Variants in KCNH7 observed in about 807,000 individuals in gnomAD.
The protein encoded by KCNH7 is voltage-gated inwardly rectifying potassium channel KCNH7.
In KCNH7, 49 loss-of-function variants were observed where a neutral mutation model predicts 120.8. The observed-to-expected ratio is 0.41, with a 90% CI of 0.32 to 0.51. KCNH7 has a LOEUF of 0.51. Ranked by LOEUF, KCNH7 falls within the 20% of genes least tolerant of loss-of-function variation. The pLI, the probability that KCNH7 is intolerant of heterozygous loss-of-function variation, is 0.38. For missense variants in KCNH7, 1,097 were observed against 1,446.6 expected, an observed-to-expected ratio of 0.76 and a Z score of 3.92; for synonymous variants, 547 against 516.1, an observed-to-expected ratio of 1.06 and a Z score of -0.81.
intron 2 of KCNH7, among the ~76,000 whole-genome samples, chr2:162,717,762 C>G (rs1201278842): frequency 6.6e-6 from 1 of 151,962 alleles, no homozygotes; most frequent in African/African-American, 2.4e-5. Flanking sequence ...CAGCTGTATT[C>G]CTGACACTTG....
rs79737457 is a variant in KCNH7 at position 162,825,400 on chromosome 2, G to A, written c.307+11137C>T. On this transcript the variant is annotated intron_variant, in intron 2 of 15. Coordinates refer to ENST00000332142, the MANE Select transcript of KCNH7 (RefSeq NM_033272.4). Reference sequence around the variant, plus strand: ...AAAATTGAATTGGATCACATTTAGTGATCAGACAATAAGGTACTCTTTCTA... The same window carrying A: ...AAAATTGAATTGGATCACATTTAGTAATCAGACAATAAGGTACTCTTTCTA... Among the ~76,000 whole-genome samples the A allele has an allele frequency of 1.7e-3, 256 of 151,988 alleles. 1 individual carries two copies. Among genetic ancestry groups the A allele is most frequent in the African/African-American group, 6.0e-3 (247 of 41,468 alleles).
intron 2 of KCNH7, among the ~76,000 whole-genome samples, chr2:162,787,436 AC>A (rs1683752404): frequency 1.3e-5 from 2 of 150,868 alleles, no homozygotes; most frequent in South Asian, 4.2e-4. Context: ...TCCAGGACCA[AC>A]CCGGTGCCAG....
At chr2:162,659,095 G>C (rs542560674) in intron 2 of KCNH7, among the ~76,000 whole-genome samples, 1 of 152,296 alleles carries the variant, frequency 6.6e-6, no homozygotes, top group Admixed American at 6.5e-5. Flanking sequence ...TATAATGGCA[G>C]CTTTAGATAA....
At chr2:162,413,294 A>G (rs1687446151) in intron 9 of KCNH7, among the ~76,000 whole-genome samples, 2 of 152,010 alleles carry the variant, frequency 1.3e-5, no homozygotes, top group African/African-American at 4.8e-5. Flanking sequence ...ACGACCAGCT[A>G]ATTTTTGTAT....
At chr2:162,577,191 A>T (rs1693698803) in intron 2 of KCNH7, among the ~76,000 whole-genome samples, 1 of 151,892 alleles carries the variant, frequency 6.6e-6, no homozygotes, top group African/African-American at 2.4e-5. Flanking sequence ...AAGTGCTGGG[A>T]TTACAGGCAT....
chr2:162,666,075 T>A (rs927311941), intron 2 of KCNH7, among the ~76,000 whole-genome samples: 4 of 152,154 alleles, frequency 2.6e-5, no homozygotes. Flanking sequence ...ATCAAGGACA[T>A]CCTTTCATGA....
At chr2:162,770,702 C>A (rs1381251959) in intron 2 of KCNH7, among the ~76,000 whole-genome samples, 1 of 151,816 alleles carries the variant, frequency 6.6e-6, no homozygotes, top group Non-Finnish European at 1.5e-5. Flanking sequence ...TTATTTTCAC[C>A]TTTTCTCTTC....
At chr2:162,660,546 T>A (rs1684922514) in intron 2 of KCNH7, among the ~76,000 whole-genome samples, 1 of 152,194 alleles carries the variant, frequency 6.6e-6, no homozygotes, top group Non-Finnish European at 1.5e-5. Flanking sequence ...TTCTGGTGAA[T>A]GTCCCATGTG....
intron 6 of KCNH7, among the ~76,000 whole-genome samples, chr2:162,501,724 T>C (rs1690693276): frequency 6.6e-6 from 1 of 151,950 alleles, no homozygotes; most frequent in African/African-American, 2.4e-5. Flanking sequence ...CTCTGGGGCC[T>C]CTTTTACAAG....
intron 2 of KCNH7, among the ~76,000 whole-genome samples, chr2:162,736,737 C>A (rs1687924849): frequency 6.6e-6 from 1 of 152,070 alleles, no homozygotes; most frequent in Non-Finnish European, 1.5e-5. Flanking sequence ...TCAAGCAGTA[C>A]CCTCAGAATT....
intron 2 of KCNH7, among the ~76,000 whole-genome samples, chr2:162,665,519 C>G (rs181876989): frequency 3.6e-4 from 55 of 152,208 alleles, no homozygotes; most frequent in African/African-American, 1.2e-3. Context: ...CCAGAAAAAA[C>G]TAAATTTGTC....
In KCNH7 at chr2:162,620,151, G is replaced by T. The variant is rs1231881666; in HGVS notation, c.308-83071C>A. 6.6e-5 allele frequency among the ~76,000 whole-genome samples: 9 copies of T among 135,656 alleles called. No homozygotes were observed. In the East Asian group the frequency reaches 1.5e-3, roughly 22 times the overall value. 89.0% of individuals were successfully genotyped at this position (135,656 alleles called of 152,430 possible). A position where few individuals can be genotyped will look rare whatever the true frequency, so the allele number is the denominator to read the frequency against. On this transcript the variant is annotated intron_variant, in intron 2 of 15. Coordinates refer to ENST00000332142, the MANE Select transcript of KCNH7 (RefSeq NM_033272.4). ...ATCTACCAATGGGTAGAGAAATATA[G>T]ATATATATATAGAGAGAGAGATAGA...
intron 2 of KCNH7, among the ~76,000 whole-genome samples, chr2:162,748,828 C>T (rs1298724894): frequency 8.9e-6 from 1 of 112,992 alleles, no homozygotes; most frequent in Non-Finnish European, 1.7e-5. Context: ...TCTCCCTCCC[C>T]TCCCCTCCTC....
intron 2 of KCNH7, among the ~76,000 whole-genome samples, chr2:162,785,786 T>C (rs545392086): frequency 6.6e-6 from 1 of 152,234 alleles, no homozygotes; most frequent in South Asian, 2.1e-4. Context: ...GACTGTGTGG[T>C]TTTTAGGGGC....
rs1012832751 is a variant in KCNH7, at chr2:162,685,476, G to A, written c.308-148396C>T. Among the ~76,000 whole-genome samples the A allele has an allele frequency of 4.6e-4, 66 of 142,640 alleles. 1 individual carries two copies. Among genetic ancestry groups the A allele is most frequent in the African/African-American group, 1.8e-3 (59 of 33,520 alleles). 93.6% of individuals were successfully genotyped at this position (142,640 alleles called of 152,430 possible). ...AAATCCCGACTGAATATATTCTAGC[G>A]ATGAATTGTCTAGCAAGAGGATGAC... On this transcript the variant is annotated intron_variant, in intron 2 of 15. Coordinates refer to ENST00000332142, the MANE Select transcript of KCNH7 (RefSeq NM_033272.4).
intron 6 of KCNH7, among the ~76,000 whole-genome samples, chr2:162,500,055 G>A (rs1192381463): frequency 1.3e-5 from 2 of 151,312 alleles, no homozygotes; most frequent in Non-Finnish European, 2.9e-5. Context: ...CTCAAAGGCA[G>A]AGATTTGCCT....
At chr2:162,615,708 G>A (rs1377141425) in intron 2 of KCNH7, among the ~76,000 whole-genome samples, 1 of 151,902 alleles carries the variant, frequency 6.6e-6, no homozygotes, top group Non-Finnish European at 1.5e-5. Flanking sequence ...TTATTGTTAA[G>A]GTGGTAAAAC....
At chr2:162,419,534 G>A (rs1307832413) in intron 9 of KCNH7, among the ~76,000 whole-genome samples, 1 of 152,130 alleles carries the variant, frequency 6.6e-6, no homozygotes, top group Non-Finnish European at 1.5e-5. Context: ...GGCAGACTGA[G>A]AGTTAGTTTT....
At chr2:162,470,375 G>GT in intron 6 of KCNH7, among the ~76,000 whole-genome samples, 1 of 151,952 alleles carries the variant, frequency 6.6e-6, no homozygotes, top group East Asian at 1.9e-4. Flanking sequence ...TCTGGGAGGT[G>GT]AGGAGCGTCT....
Sources: allele counts gnomAD v4.1 joint callset (sites outside exome capture counted in the v4.1 genomes callset), GRCh38; gene constraint gnomAD v4.1.1; transcripts MANE v1.5; gene names NCBI Gene and HGNC (gene_info 2026-07-23, HGNC 2026-07-21).